Variants in HIVEP3 observed in about 807,000 individuals in gnomAD.
HIVEP3 encodes the protein transcription factor HIVEP3.
A neutral mutation model predicts 152.8 loss-of-function variants in HIVEP3; 49 were observed. The observed-to-expected ratio is 0.32, with a 90% CI of 0.26 to 0.41. HIVEP3 has a LOEUF of 0.41. Ranked by LOEUF, HIVEP3 falls within the 10% of genes least tolerant of loss-of-function variation. HIVEP3 has a pLI of 1.00. For missense variants in HIVEP3, 2,790 were observed against 3,103.3 expected (o/e 0.90, Z 2.40); for synonymous variants, 1,269 against 1,289.0 (o/e 0.98, Z 0.33).
intron 1 of HIVEP3, among the ~76,000 whole-genome samples, chr1:41,722,429 C>CTTCCTTCCTTCCTTCCTCCCTTCA (rs1646688739): frequency 6.8e-6 from 1 of 147,224 alleles, no homozygotes; most frequent in Non-Finnish European, 1.5e-5. Context: ...TCCTTCCTTC[C>CTTCCTTCCTTCCTTCCTCCCTTCA]TTCCTTCCTT....
chr1:41,910,572 A>G (rs1644780261), intron 1 of HIVEP3, among the ~76,000 whole-genome samples: 1 of 152,024 alleles, frequency 6.6e-6, no homozygotes, highest in Non-Finnish European at 1.5e-5. Flanking sequence ...TTACAGTACA[A>G]CACACTCATG....
chr1:41,963,263 G>T (rs777858140), intron 1 of HIVEP3, among the ~76,000 whole-genome samples: 2 of 151,994 alleles, frequency 1.3e-5, no homozygotes, highest in Non-Finnish European at 2.9e-5. Context: ...CGCCTGCCTC[G>T]GCCTCCCAAA....
intron 1 of HIVEP3, among the ~76,000 whole-genome samples, chr1:41,810,742 G>C (rs954247033): frequency 3.3e-5 from 5 of 152,234 alleles, no homozygotes; most frequent in Non-Finnish European, 7.3e-5. Flanking sequence ...TATGGTTACA[G>C]TCTTTTAAAA....
rs1388624280 is a variant in HIVEP3, at chr1:41,583,412, G to A, written c.1386C>T (p.Ile462=). The change falls in exon 4 of 9, where the codon ATC becomes ATT. Residue 462 remains isoleucine (I), a synonymous_variant. Coordinates refer to ENST00000372583, the MANE Select transcript of HIVEP3 (RefSeq NM_024503.5). This position sits in a 1 kb window ranked among gnomAD's most constrained non-coding sequence, Gnocchi z 6.9. ...VPLSVPRTQV[I]EHITKLITIN... ...TGGTGATGAGCTTCGTGATGTGCTC[G>A]ATCACCTGCGTCCGGGGTACAGACA... is the stretch of plus-strand genomic sequence containing the variant. 1.7e-5 allele frequency: 27 copies of A among 1,613,912 alleles called. No homozygotes were observed. The highest frequency in any genetic ancestry group is 2.1e-5 in the Non-Finnish European group (25 of 1,179,982).
chr1:41,907,077 G>A (rs1644724952), intron 1 of HIVEP3, among the ~76,000 whole-genome samples: 1 of 152,120 alleles, frequency 6.6e-6, no homozygotes, highest in Non-Finnish European at 1.5e-5. Context: ...AAGCCCGCAA[G>A]GCTCTCATTG....
At chr1:41,568,607 GTGA>G (rs1259382823) in intron 5 of HIVEP3, among the ~76,000 whole-genome samples, 1 of 152,240 alleles carries the variant, frequency 6.6e-6, no homozygotes, top group Non-Finnish European at 1.5e-5. Flanking sequence ...TCACCCAGGT[GTGA>G]GCTACCAGTG....
chr1:41,584,541 A>G lies in HIVEP3; in HGVS notation c.257T>C (p.Ile86Thr). 6.2e-7 allele frequency: 1 copy of G among 1,613,624 alleles called. No individual in the cohort carries two copies. The highest frequency in any genetic ancestry group is 8.5e-7 in the Non-Finnish European group (1 of 1,179,878). Reference sequence around the variant, plus strand: ...CTGTGAGATGTGGACGGATGCTTCGATGGGGGGCCTTTTGGGGGGCTTCTG... The same window carrying G: ...CTGTGAGATGTGGACGGATGCTTCGGTGGGGGGCCTTTTGGGGGGCTTCTG... ...QQQKPPKRPP[I>T]EASVHISQLP... Residue 86 changes from isoleucine (I) to threonine (T), a missense_variant, in exon 4 of 9, where the codon ATC becomes ACC. Physicochemically the swap from Ile to Thr is moderately conservative, Grantham distance 89 (BLOSUM62 -1). Transcript: ENST00000372583. The surrounding 1 kb of genome is among the most constrained non-coding windows in gnomAD (Gnocchi z 5.2).
chr1:41,851,602 A>G lies in HIVEP3; in HGVS notation c.-801+66811T>C, dbSNP rs137907996. On this transcript the variant is annotated intron_variant, in intron 1 of 8. Transcript: ENST00000372583. Reference sequence around the variant, plus strand: ...AGGCGTGAACCATCATGTCCAGATGAGAGCACCTTCTTTCAACGTGGTTTC... The same window carrying G: ...AGGCGTGAACCATCATGTCCAGATGGGAGCACCTTCTTTCAACGTGGTTTC... 1.1e-3 allele frequency among the ~76,000 whole-genome samples: 174 copies of G among 152,258 alleles called. 1 individual carries two copies. The highest frequency in any genetic ancestry group is 3.9e-3 in the African/African-American group (162 of 41,554).
chr1:41,735,669 C>T (rs1464633210), intron 1 of HIVEP3, among the ~76,000 whole-genome samples: 5 of 152,158 alleles, frequency 3.3e-5, no homozygotes, highest in African/African-American at 7.2e-5. Flanking sequence ...GGGACTCAGG[C>T]ATTGCTGGGG....
chr1:42,005,583 C>T (rs1416039959), intron 1 of HIVEP3, among the ~76,000 whole-genome samples: 1 of 152,078 alleles, frequency 6.6e-6, no homozygotes, highest in Non-Finnish European at 1.5e-5. Flanking sequence ...TTTCCATCGC[C>T]CATGGAGGAC....
intron 1 of HIVEP3, among the ~76,000 whole-genome samples, chr1:41,967,726 C>G (rs764439466): frequency 4.0e-5 from 6 of 151,078 alleles, no homozygotes; most frequent in African/African-American, 1.2e-4. Flanking sequence ...TAGAGACACA[C>G]AAAAAAAACC....
At chr1:41,883,817 G>A (rs1644300375) in intron 1 of HIVEP3, among the ~76,000 whole-genome samples, 1 of 152,062 alleles carries the variant, frequency 6.6e-6, no homozygotes, top group Non-Finnish European at 1.5e-5. Context: ...CCTCCATCTG[G>A]AAACACCCAC....
chr1:41,667,122 T>C (rs1553246144), intron 2 of HIVEP3, among the ~76,000 whole-genome samples: 1 of 152,222 alleles, frequency 6.6e-6, no homozygotes, highest in Non-Finnish European at 1.5e-5. Flanking sequence ...TGTCCTGGCT[T>C]GTGCCCCACT....
chr1:41,879,517 A>G (rs1201004468), intron 1 of HIVEP3, among the ~76,000 whole-genome samples: 1 of 152,222 alleles, frequency 6.6e-6, no homozygotes, highest in East Asian at 1.9e-4. Context: ...ATTAAAGCCA[A>G]TTCTGCTTTA....
intron 1 of HIVEP3, among the ~76,000 whole-genome samples, chr1:41,917,143 T>G (rs181791128): frequency 2.0e-5 from 3 of 152,244 alleles, no homozygotes; most frequent in Non-Finnish European, 2.9e-5. Flanking sequence ...CTTAAACAAC[T>G]GTAGCACCCA....
At chr1:41,695,577 C>T (rs754333463) in intron 2 of HIVEP3, among the ~76,000 whole-genome samples, 3 of 152,136 alleles carry the variant, frequency 2.0e-5, no homozygotes, top group Non-Finnish European at 4.4e-5. Context: ...ACCCCCAACC[C>T]TGCCCAAGAG....
At chr1:41,663,270 C>A (rs1220808516) in intron 2 of HIVEP3, among the ~76,000 whole-genome samples, 1 of 152,238 alleles carries the variant, frequency 6.6e-6, no homozygotes, top group Non-Finnish European at 1.5e-5. Context: ...CTGGGTTTGG[C>A]TGACTCCAGG....
At chr1:41,983,951 GA>G (rs926597582) in intron 1 of HIVEP3, among the ~76,000 whole-genome samples, 4 of 151,860 alleles carry the variant, frequency 2.6e-5, no homozygotes, top group Non-Finnish European at 5.9e-5. Context: ...GAACAATGAA[GA>G]AAAAAAATCC....
At chr1:41,542,563 G>A (rs998110374) in intron 5 of HIVEP3, 1 of 152,608 alleles carries the variant, frequency 6.6e-6, no homozygotes, top group Non-Finnish European at 1.5e-5. Flanking sequence ...GGAGCAGCAT[G>A]AGGAAGAGGA....
Sources: gnomAD v4.1 joint callset for allele counts (sites outside exome capture counted in the v4.1 genomes callset) on GRCh38, gnomAD v4.1.1 for gene constraint, Gnocchi (gnomAD v3.1) non-coding constraint, MANE v1.5 for transcripts, NCBI Gene and HGNC (gene_info 2026-07-23, HGNC 2026-07-21) for gene names.